The following CHIT1 variants were observed in gnomAD, a reference collection of about 807,000 sequenced individuals.
CHIT1 encodes chitotriosidase-1.
A neutral mutation model predicts 52.0 loss-of-function variants in CHIT1; 47 were observed. That is an observed-to-expected ratio of 0.90 (90% confidence interval 0.71 to 1.15). The LOEUF (loss-of-function observed/expected upper bound fraction) is 1.15, where lower values mean the gene tolerates loss of function less well. Ranked by LOEUF, CHIT1 falls within the 50% of genes most tolerant of loss-of-function variation. The pLI, the probability that CHIT1 is intolerant of heterozygous loss-of-function variation, is 0.00. For missense variants in CHIT1, 569 were observed against 583.0 expected (o/e 0.98, Z 0.25); for synonymous variants, 242 against 228.2 (o/e 1.06, Z -0.54).
At chr1:203,222,103 G>A (rs1656757388) in intron 7 of CHIT1, 99 bp downstream of exon 7, 1 of 1,530,864 alleles carries the variant, frequency 6.5e-7, no homozygotes, top group Non-Finnish European at 9.0e-7. Context: ...TCAGTGCCCT[G>A]TGTCTTTTTT....
At chr1:203,229,514 C>G (rs751442114) in intron 1 of CHIT1, 98 bp downstream of exon 1, 19 of 1,422,054 alleles carry the variant, frequency 1.3e-5, no homozygotes, top group Non-Finnish European at 1.8e-5. Flanking sequence ...CTCCTGAGTC[C>G]TCCTGCTTCC....
chr1:203,226,164 G>A (rs1197479891), intron 2 of CHIT1, among the ~76,000 whole-genome samples: 7 of 152,196 alleles, frequency 4.6e-5, no homozygotes, highest in South Asian at 2.1e-4. Flanking sequence ...CTTGGGGCCC[G>A]TCCCCATCAG....
chr1:203,225,378 C>T (rs1333270140), intron 3 of CHIT1, among the ~76,000 whole-genome samples: 1 of 152,014 alleles, frequency 6.6e-6, no homozygotes, highest in Admixed American at 6.6e-5. Flanking sequence ...AACACTGGAG[C>T]TGAAGGGTGG....
In CHIT1 at chr1:203,222,299, G is replaced by T; in HGVS notation, c.632C>A (p.Ala211Asp). The stretch of plus-strand genomic sequence containing the variant: ...CTCCCAAGAGCCATGGAAGTCGTAG[G>T]CCATAAGGTTGACAAAATCCAGGTT... ...AQNLDFVNLMAYDFHGSWEKV... is the reference protein window; with the variant it reads ...AQNLDFVNLMDYDFHGSWEKV... The change falls in exon 7 of 11, where the codon GCC becomes GAC. Residue 211 changes from alanine (A) to aspartate (D), a missense_variant. Transcript: ENST00000367229. 1 of 1,614,180 alleles carries T rather than the reference G, an allele frequency of 6.2e-7. No individual in the cohort carries two copies. Among genetic ancestry groups the T allele is most frequent in the Non-Finnish European group, 8.5e-7 (1 of 1,180,040 alleles).
At position 203,222,764 on chromosome 1, in the gene CHIT1, G is replaced by A. The variant is rs559907708; in HGVS notation, c.605+371C>T. 7.9e-5 allele frequency among the ~76,000 whole-genome samples: 12 copies of A among 152,244 alleles called. No homozygotes were observed. In the East Asian group the frequency reaches 2.1e-3, roughly 27 times the overall value. ...TAATGAGCACCTGGTTTTAATGAGG[G>A]CTGCGAGTCCACATGCTGTACTTTG... is the stretch of plus-strand genomic sequence containing the variant. On this transcript the variant is annotated intron_variant, in intron 6 of 10. Coordinates refer to ENST00000367229, the MANE Select transcript of CHIT1 (RefSeq NM_003465.3).
In CHIT1 at chr1:203,219,620, C is replaced by A. The variant is rs750752174; in HGVS notation, c.915+44G>T. On this transcript the variant is annotated intron_variant, in intron 8 of 10. Coordinates refer to ENST00000367229, the MANE Select transcript of CHIT1 (RefSeq NM_003465.3). ...AGGAAACCTCTGTTCTCTCAGGCAC[C>A]CCCTGACCCTCACAATACCCAGGGT... 9 of 1,600,748 alleles carry A rather than the reference C, an allele frequency of 5.6e-6. No individual in the cohort carries two copies. The South Asian group carries it at 8.8e-5, about 16-fold the overall frequency.
Position 203,223,665 on chromosome 1 carries a change from G to A in CHIT1, c.315-5C>T. 1 of 1,614,210 alleles carries A rather than the reference G, an allele frequency of 6.2e-7. No homozygotes were observed. Among genetic ancestry groups the A allele is most frequent in the Non-Finnish European group, 8.5e-7 (1 of 1,180,040 alleles). ...GTGGCTACCATATCTGTGAACCTGT[G>A]AGGTGATGAAGGGGAGTAAGGGCCG... On this transcript the variant is annotated splice_polypyrimidine_tract_variant and splice_region_variant and intron_variant, in intron 4 of 10. Coordinates refer to ENST00000367229, the MANE Select transcript of CHIT1 (RefSeq NM_003465.3).
chr1:203,219,603 T>G (rs1385702435), intron 8 of CHIT1, 61 bp downstream of exon 8: 12 of 1,585,408 alleles, frequency 7.6e-6, no homozygotes, highest in Non-Finnish European at 1.0e-5. Flanking sequence ...GAAGGAAACC[T>G]CTGTTCTCTC....
At position 203,219,974 on chromosome 1, in the gene CHIT1, G is replaced by T. The variant is rs555223201; in HGVS notation, c.730-125C>A. On this transcript the variant is annotated intron_variant, in intron 7 of 10. Transcript: ENST00000367229. The stretch of plus-strand genomic sequence containing the variant: ...CTCAGCTGGAGCTCTACGGGCCTTT[G>T]TTAGGATTCCAGCCCTACCCCATCT... 92 of 1,196,990 alleles carry T rather than the reference G, an allele frequency of 7.7e-5. No homozygotes were observed. The East Asian group carries it at 2.1e-3, about 27-fold the overall frequency. 74.1% of individuals were successfully genotyped at this position (1,196,990 alleles called of 1,614,324 possible).
At chr1:203,223,843 G>GA (rs1206212469) in intron 4 of CHIT1, among the ~76,000 whole-genome samples, 183 bp from the exon 5 acceptor site, 1 of 152,094 alleles carries the variant, frequency 6.6e-6, no homozygotes, top group African/African-American at 2.4e-5. Context: ...CCGGGTTGAG[G>GA]AAAGGGGACC....
intron 7 of CHIT1, among the ~76,000 whole-genome samples, chr1:203,220,720 C>T (rs538171833): frequency 6.6e-6 from 1 of 152,156 alleles, no homozygotes; most frequent in Admixed American, 6.5e-5. Flanking sequence ...AAATATATTT[C>T]TTTTTGTCCA....
chr1:203,218,114 G>A (rs532310389), intron 9 of CHIT1: 13 of 1,464,944 alleles, frequency 8.9e-6, no homozygotes, highest in African/African-American at 1.4e-5. Flanking sequence ...GGGTGCAGTC[G>A]GGAGGAATAG....
chr1:203,228,438 TG>T, intron 2 of CHIT1, 94 bp downstream of exon 2: 2 of 1,312,882 alleles, frequency 1.5e-6, no homozygotes, highest in Non-Finnish European at 2.1e-6. Flanking sequence ...CACTGAAATC[TG>T]GAGCTCTTGG....
At position 203,225,084 on chromosome 1, in the gene CHIT1, A is replaced by G; in HGVS notation, c.278T>C (p.Leu93Pro). The change falls in exon 4 of 11, where the codon CTG becomes CCG. Residue 93 changes from leucine (L) to proline (P), a missense_variant. Coordinates refer to ENST00000367229, the MANE Select transcript of CHIT1 (RefSeq NM_003465.3). ...GAAATTCCAGCCTCCGATGGCTAAC[A>G]GGGTCTTCAGCTTGGGATTCCTGGG... ...LKKMNPKLKT[L>P]LAIGGWNFGT... The G allele has an allele frequency of 1.9e-6, 3 of 1,613,912 alleles. No homozygotes were observed. The highest frequency in any genetic ancestry group is 2.5e-6 in the Non-Finnish European group (3 of 1,179,960).
chr1:203,227,818 C>A (rs1045296851), intron 2 of CHIT1, among the ~76,000 whole-genome samples: 1 of 152,178 alleles, frequency 6.6e-6, no homozygotes, highest in Non-Finnish European at 1.5e-5. Context: ...GTTTCTGTGC[C>A]CCCGGCTGTT....
In CHIT1 at chr1:203,225,086, G is replaced by T. The variant is rs148823631; in HGVS notation, c.276C>A (p.Thr92=). 21 of 1,613,690 alleles carry T rather than the reference G, an allele frequency of 1.3e-5. No homozygotes were observed. The highest frequency in any genetic ancestry group is 1.7e-5 in the Non-Finnish European group (20 of 1,179,974). Residue 92 remains threonine, a synonymous_variant, in exon 4 of 11, where the codon ACC becomes ACA. Transcript: ENST00000367229. ...GLKKMNPKLK[T]LLAIGGWNFG... is the part of the protein sequence containing the mutation. ...AATTCCAGCCTCCGATGGCTAACAG[G>T]GTCTTCAGCTTGGGATTCCTGGGAA... is the stretch of plus-strand genomic sequence containing the variant.
Position 203,223,165 on chromosome 1 carries a change from T to C in CHIT1, c.575A>G (p.Asp192Gly). The part of the protein sequence containing the change: ...AAVPAGQTYV[D>G]AGYEVDKIAQ... ...GATTTTGTCCACCTCGTATCCAGCA[T>C]CCACATAGGTCTGCCCAGCTGGAAC... The change falls in exon 6 of 11, where the codon GAT (aspartate) becomes GGT (glycine). Residue 192 changes from aspartate to glycine, a missense_variant. Transcript: ENST00000367229. 1 of 1,614,178 alleles carries C rather than the reference T, an allele frequency of 6.2e-7. No individual in the cohort carries two copies. The highest frequency in any genetic ancestry group is 1.1e-5 in the South Asian group (1 of 91,082).
chr1:203,220,442 C>T (rs1656694095), intron 7 of CHIT1, among the ~76,000 whole-genome samples: 1 of 152,152 alleles, frequency 6.6e-6, no homozygotes, highest in Non-Finnish European at 1.5e-5. Context: ...TAGAATGACA[C>T]CTGATGCTCA....
rs753221662 is a variant in CHIT1 at position 203,225,054 on chromosome 1, G to T, written c.308C>A (p.Thr103Asn). 1 of 1,613,804 alleles carries T rather than the reference G, an allele frequency of 6.2e-7. No individual in the cohort carries two copies. The highest frequency in any genetic ancestry group is 1.1e-5 in the South Asian group (1 of 91,068). ...GTGACCACAGTCAACTAACTTCTGA[G>T]TGCCGAAATTCCAGCCTCCGATGGC... ...LLAIGGWNFGTQKFTDMVATA... is the reference protein window; with the variant it reads ...LLAIGGWNFGNQKFTDMVATA... Residue 103 changes from threonine to asparagine, a missense_variant, in exon 4 of 11, where the codon ACT becomes AAT. Thr to Asn is a moderately conservative substitution (Grantham distance 65). Transcript: ENST00000367229.
Sources: gnomAD v4.1 joint callset for allele counts (sites outside exome capture counted in the v4.1 genomes callset) on GRCh38, gnomAD v4.1.1 for gene constraint, MANE v1.5 for transcripts, NCBI Gene and HGNC (gene_info 2026-07-23, HGNC 2026-07-21) for gene names.